The following RTKN2 variants were observed in gnomAD, a reference collection of about 807,000 sequenced individuals.
The protein encoded by RTKN2 is rhotekin 2, also known as rhotekin-2.
Under a neutral mutation model 71.5 loss-of-function variants are expected in RTKN2, and 69 were observed. That is an observed-to-expected ratio of 0.96 (90% confidence interval 0.79 to 1.18). RTKN2 has a LOEUF of 1.18. Ranked by LOEUF, RTKN2 falls within the 50% of genes most tolerant of loss-of-function variation. The pLI, the probability that RTKN2 is intolerant of heterozygous loss-of-function variation, is 0.00. For missense variants in RTKN2, 724 were observed against 719.7 expected (o/e 1.01, Z -0.07); for synonymous variants, 236 against 236.5 (o/e 1.00, Z 0.02).
chr10:62,256,497 AT>A (rs1842678077), intron 2 of RTKN2, among the ~76,000 whole-genome samples: 5 of 152,216 alleles, frequency 3.3e-5, no homozygotes, highest in Admixed American at 3.3e-4. Context: ...TGGACGGGAT[AT>A]TAGATTATTA....
chr10:62,208,105 G>A (rs1282850898), intron 9 of RTKN2, among the ~76,000 whole-genome samples: 1 of 152,096 alleles, frequency 6.6e-6, no homozygotes, highest in Non-Finnish European at 1.5e-5. Context: ...CATAAACTGG[G>A]AAGTCAATTT....
At chr10:62,242,030 G>A (rs1353131942) in intron 3 of RTKN2, among the ~76,000 whole-genome samples, 2 of 58,100 alleles carry the variant, frequency 3.4e-5, no homozygotes, top group Admixed American at 1.7e-4. Context: ...TTTTTTTTTT[G>A]TAGAGACAGA....
At chr10:62,250,142 G>A (rs1008927377) in intron 2 of RTKN2, among the ~76,000 whole-genome samples, 1 of 152,166 alleles carries the variant, frequency 6.6e-6, no homozygotes, top group African/African-American at 2.4e-5. Context: ...AATGAGGTGG[G>A]CATTGCAAAA....
intron 3 of RTKN2, among the ~76,000 whole-genome samples, chr10:62,245,436 G>T (rs971166629): frequency 1.3e-5 from 2 of 152,038 alleles, no homozygotes; most frequent in African/African-American, 4.8e-5. Flanking sequence ...TAGAAGATAT[G>T]ACTAGAAAAA....
intron 10 of RTKN2, 25 bp from the exon 11 acceptor site, chr10:62,199,886 A>C (rs781572119): frequency 4.3e-6 from 6 of 1,397,072 alleles, no homozygotes; most frequent in Non-Finnish European, 2.0e-6. Context: ...AAAAAGGTAG[A>C]CTAGTTTAAA....
At position 62,195,606 on chromosome 10, in the gene RTKN2, T is replaced by TGAATGAAGGAAG. The variant is rs1168688410; in HGVS notation, c.*2301_*2302insCTTCCTTCATTC. 1.2e-4 allele frequency: 37 copies of TGAATGAAGGAAG among 301,764 alleles called. No homozygotes were observed. The highest frequency in any genetic ancestry group is 2.0e-4 in the East Asian group (1 of 4,996). The allele number at this position is 301,764 out of a possible 1,614,324, so 18.7% of individuals were successfully genotyped here. ...GGGAAGGAGAGACGGACAGAGGGAA[T>TGAATGAAGGAAG]GAAGGAAGGAAGGAAGGAAGGAAGG... On this transcript the variant is annotated 3_prime_UTR_variant, in exon 12 of 12. Coordinates refer to ENST00000373789, the MANE Select transcript of RTKN2 (RefSeq NM_145307.4).
intron 9 of RTKN2, among the ~76,000 whole-genome samples, chr10:62,213,128 G>A (rs751082948): frequency 1.3e-5 from 2 of 152,212 alleles, no homozygotes; most frequent in Non-Finnish European, 2.9e-5. Context: ...AAAGTAGTAT[G>A]AGAAAATCAC....
intron 6 of RTKN2, among the ~76,000 whole-genome samples, chr10:62,223,766 G>A (rs1470520349): frequency 6.6e-6 from 1 of 152,108 alleles, no homozygotes. Context: ...ACATTTTGGT[G>A]GTTCCTCAAA....
rs970428955 is a variant in RTKN2 at position 62,195,741 on chromosome 10, C to G, written c.*2167G>C. 4.1e-6 allele frequency: 4 copies of G among 985,102 alleles called. No individual in the cohort carries two copies. The highest frequency in any genetic ancestry group is 3.5e-5 in the African/African-American group (2 of 57,152). 61.0% of individuals were successfully genotyped at this position (985,102 alleles called of 1,614,324 possible). ...ATTAGCATTTCAGGAGCTGAAGACACCAGACCCATTTCAAAGACTTGTAAC... is the reference window on the plus strand; with the variant it reads ...ATTAGCATTTCAGGAGCTGAAGACAGCAGACCCATTTCAAAGACTTGTAAC... On this transcript the variant is annotated 3_prime_UTR_variant, in exon 12 of 12. Transcript: ENST00000373789.
chr10:62,236,332 A>T, intron 5 of RTKN2, 69 bp from the exon 6 acceptor site: 2 of 1,003,276 alleles, frequency 2.0e-6, no homozygotes, highest in Non-Finnish European at 3.0e-6. Flanking sequence ...CCATTCTTTT[A>T]TGTTTATGTA....
At position 62,196,072 on chromosome 10, in the gene RTKN2, A is replaced by C; in HGVS notation, c.*1836T>G. ...AAAAAAAAAAGAATGCTTAGATGCC[A>C]GCTTCAAAACAATTTTCCCTGCAGC... On this transcript the variant is annotated 3_prime_UTR_variant, in exon 12 of 12. Transcript: ENST00000373789. 1 of 985,396 alleles carries C rather than the reference A, an allele frequency of 1.0e-6. No individual in the cohort carries two copies. Among genetic ancestry groups the C allele is most frequent in the Non-Finnish European group, 1.2e-6 (1 of 829,902 alleles). 61.0% of individuals were successfully genotyped at this position (985,396 alleles called of 1,614,324 possible).
At chr10:62,189,058 C>CTGT (rs1841180128), downstream of RTKN2, among the ~76,000 whole-genome samples, 1 of 135,610 alleles carries the variant, frequency 7.4e-6, no homozygotes. Context: ...ATATTTCCTA[C>CTGT]TTTTTTTTTT....
chr10:62,259,251 G>A (rs1401563540), intron 2 of RTKN2: 13 of 438,248 alleles, frequency 3.0e-5, no homozygotes, highest in Non-Finnish European at 4.5e-5. Flanking sequence ...CATGTGAACC[G>A]TGAGTGCATT....
chr10:62,236,893 T>C (rs778583179), intron 5 of RTKN2, among the ~76,000 whole-genome samples: 2 of 149,646 alleles, frequency 1.3e-5, no homozygotes, highest in Non-Finnish European at 3.0e-5. Context: ...TTCTCAATTA[T>C]ATGTGGAATA....
chr10:62,210,084 T>C (rs1841629579), intron 9 of RTKN2, among the ~76,000 whole-genome samples: 2 of 152,272 alleles, frequency 1.3e-5, no homozygotes, highest in African/African-American at 2.4e-5. Context: ...CCACCAACAA[T>C]GTATGAGCAT....
intron 2 of RTKN2, among the ~76,000 whole-genome samples, chr10:62,256,897 G>A (rs1842686120): frequency 2.0e-5 from 3 of 151,980 alleles, no homozygotes; most frequent in African/African-American, 7.2e-5. Flanking sequence ...TCTGGAACAT[G>A]ATGAACAGAC....
chr10:62,243,387 T>A (rs1842419417), intron 3 of RTKN2, among the ~76,000 whole-genome samples: 1 of 152,092 alleles, frequency 6.6e-6, no homozygotes, highest in Non-Finnish European at 1.5e-5. Context: ...AAAGTCCACT[T>A]CTTCTTGCTT....
intron 9 of RTKN2, among the ~76,000 whole-genome samples, chr10:62,210,997 C>T (rs1483419116): frequency 1.3e-5 from 2 of 152,048 alleles, no homozygotes; most frequent in Non-Finnish European, 2.9e-5. Flanking sequence ...TATCCAAAGT[C>T]TACTACACTA....
At position 62,223,489 on chromosome 10, in the gene RTKN2, T is replaced by C. The variant is rs575471118; in HGVS notation, c.687-157A>G. Among the ~76,000 whole-genome samples the C allele has an allele frequency of 2.0e-5, 3 of 152,258 alleles. No individual in the cohort carries two copies. In the East Asian group the frequency reaches 5.8e-4, roughly 29 times the overall value. On this transcript the variant is annotated intron_variant, in intron 6 of 11. Coordinates refer to ENST00000373789, the MANE Select transcript of RTKN2 (RefSeq NM_145307.4). ...TCCAAAGAGAGGACAAGATCCAGCA[T>C]TACATTCTGACACATTACATTTCTC...
Sources: gnomAD v4.1 joint callset for allele counts (sites outside exome capture counted in the v4.1 genomes callset) on GRCh38, gnomAD v4.1.1 for gene constraint, MANE v1.5 for transcripts, NCBI Gene and HGNC (gene_info 2026-07-23, HGNC 2026-07-21) for gene names.